The following STX17 variants were observed in gnomAD, a reference collection of about 807,000 sequenced individuals.
STX17 encodes the protein syntaxin-17.
A neutral mutation model predicts 35.9 loss-of-function variants in STX17; 29 were observed. The ratio of observed to expected loss-of-function variants is 0.81; its 90% CI spans 0.60 to 1.10. STX17 has a LOEUF of 1.10. Ranked by LOEUF, STX17 falls within the 50% of genes least tolerant of loss-of-function variation. The pLI is 0.00. For synonymous variants in STX17, 92 were observed against 118.3 expected (o/e 0.78, Z 1.44); for missense variants, 312 against 352.3 (o/e 0.89, Z 0.92).
intron 3 of STX17, among the ~76,000 whole-genome samples, chr9:99,936,947 T>A (rs562176225): frequency 4.3e-4 from 65 of 152,296 alleles, no homozygotes; most frequent in African/African-American, 1.5e-3. Context: ...TTAACATTTC[T>A]GGGAGTGTGA....
chr9:99,930,100 A>G (rs1829085824), intron 3 of STX17, among the ~76,000 whole-genome samples: 1 of 149,536 alleles, frequency 6.7e-6, no homozygotes, highest in African/African-American at 2.5e-5. Context: ...TTTAGTTGAG[A>G]TAGGGTTTCA....
chr9:99,943,195 G>A (rs973140708), intron 3 of STX17, among the ~76,000 whole-genome samples: 1 of 152,120 alleles, frequency 6.6e-6, no homozygotes, highest in Non-Finnish European at 1.5e-5. Flanking sequence ...GTGCAGTGGC[G>A]CGATCTCTGC....
chr9:99,943,220 G>T (rs1181735316), intron 3 of STX17, among the ~76,000 whole-genome samples: 1 of 152,026 alleles, frequency 6.6e-6, no homozygotes, highest in African/African-American at 2.4e-5. Flanking sequence ...TGCAAGCTCC[G>T]CCTCCTGGAT....
In STX17 at chr9:99,970,131, T is replaced by G. The variant is rs1829994686; in HGVS notation, c.*1458T>G. 1 of 152,258 alleles carries G rather than the reference T, an allele frequency of 6.6e-6. No individual in the cohort carries two copies. The highest frequency in any genetic ancestry group is 1.5e-5 in the Non-Finnish European group (1 of 68,060). The allele number at this position is 152,258 out of a possible 1,614,324, so 9.4% of individuals were successfully genotyped here. On this transcript the variant is annotated 3_prime_UTR_variant, in exon 8 of 8. Transcript: ENST00000259400. ...CACCTGCACCCCAGAAGGTGTGAGC[T>G]GTCTCTCTGCCAGGAGCTAAGGTTC...
intron 1 of STX17, chr9:99,913,961 A>ACTTTTTTTTT (rs1201652684): frequency 3.6e-5 from 5 of 140,256 alleles, no homozygotes; most frequent in African/African-American, 1.4e-4. Flanking sequence ...AACTATATTC[A>ACTTTTTTTTT]CTTTTTTTTT....
At chr9:99,961,981 G>A (rs903999542) in intron 6 of STX17, among the ~76,000 whole-genome samples, 10 of 152,012 alleles carry the variant, frequency 6.6e-5, no homozygotes, top group Admixed American at 2.6e-4. Context: ...CTAAAGCTAC[G>A]TACTGAACAA....
chr9:99,938,303 A>G (rs1200332986), intron 3 of STX17, among the ~76,000 whole-genome samples: 1 of 152,178 alleles, frequency 6.6e-6, no homozygotes, highest in East Asian at 1.9e-4. Context: ...CTCACCTTGG[A>G]CAGAACCAGA....
At chr9:99,963,895 T>C (rs1829869722) in intron 6 of STX17, among the ~76,000 whole-genome samples, 1 of 152,164 alleles carries the variant, frequency 6.6e-6, no homozygotes, top group African/African-American at 2.4e-5. Flanking sequence ...GTATATAGAA[T>C]ATATCATAGG....
At chr9:99,926,271 A>G (rs1365539469) in intron 2 of STX17, among the ~76,000 whole-genome samples, 1 of 151,754 alleles carries the variant, frequency 6.6e-6, no homozygotes, top group African/African-American at 2.4e-5. Flanking sequence ...TAATATCCTC[A>G]TTTATTAATT....
In STX17 at chr9:99,915,288, A is replaced by C. The variant is rs761852735; in HGVS notation, c.49A>C (p.Ile17Leu). 6.2e-7 allele frequency: 1 copy of C among 1,612,996 alleles called. No individual in the cohort carries two copies. Among genetic ancestry groups the C allele is most frequent in the African/African-American group, 1.3e-5 (1 of 74,886 alleles). Residue 17 changes from isoleucine (I) to leucine (L), a missense_variant, in exon 2 of 8, where the codon ATC becomes CTC. By Grantham distance (5) the Ile-to-Leu change is conservative. Coordinates refer to ENST00000259400, the MANE Select transcript of STX17 (RefSeq NM_017919.3). ...KVKLRRLEPAIQKFIKIVIPT... is the reference protein window; with the variant it reads ...KVKLRRLEPALQKFIKIVIPT... The stretch of plus-strand genomic sequence containing the variant: ...GAAATTACGCCGTCTTGAACCAGCT[A>C]TCCAGAAATTCATTAAGATAGTAAT...
chr9:99,919,722 G>A (rs1587913300), intron 2 of STX17, among the ~76,000 whole-genome samples: 2 of 152,128 alleles, frequency 1.3e-5, no homozygotes, highest in South Asian at 2.1e-4. Context: ...TTAGCTTTTC[G>A]TAAATATTTA....
intron 4 of STX17, among the ~76,000 whole-genome samples, chr9:99,955,636 G>C (rs1043576815): frequency 7.2e-5 from 11 of 152,070 alleles, no homozygotes; most frequent in Non-Finnish European, 1.3e-4. Flanking sequence ...TATGGAGAAA[G>C]AGGGAGAGAG....
At chr9:99,923,389 A>G (rs1016159697) in intron 2 of STX17, among the ~76,000 whole-genome samples, 1 of 152,214 alleles carries the variant, frequency 6.6e-6, no homozygotes, top group Admixed American at 6.5e-5. Context: ...CAAGGTTGAT[A>G]CTTGGAAGTG....
chr9:99,925,162 G>C (rs1295814876), intron 2 of STX17, among the ~76,000 whole-genome samples: 1 of 149,782 alleles, frequency 6.7e-6, no homozygotes, highest in East Asian at 1.9e-4. Context: ...TATTTTTTTA[G>C]TGGTTGCTTT....
rs367599323 is a variant in STX17, at chr9:99,915,380, C to G, written c.123+18C>G. On this transcript the variant is annotated intron_variant, in intron 2 of 7. Coordinates refer to ENST00000259400, the MANE Select transcript of STX17 (RefSeq NM_017919.3). ...TTGAGAAGGTGAGCTGTTTCATTTACTACCACAAGAAATAGTTACATAGTT... is the reference window on the plus strand; with the variant it reads ...TTGAGAAGGTGAGCTGTTTCATTTAGTACCACAAGAAATAGTTACATAGTT... The G allele has an allele frequency of 1.8e-5, 29 of 1,573,430 alleles. No homozygotes were observed. Among genetic ancestry groups the G allele is most frequent in the African/African-American group, 4.1e-5 (3 of 72,474 alleles).
intron 2 of STX17, among the ~76,000 whole-genome samples, chr9:99,916,618 AG>A (rs1283301750): frequency 1.3e-5 from 2 of 152,116 alleles, no homozygotes; most frequent in African/African-American, 2.4e-5. Flanking sequence ...TCCTTTTAAA[AG>A]TGGAGAAAAT....
At chr9:99,928,393 A>G (rs969801660) in intron 2 of STX17, among the ~76,000 whole-genome samples, 54 of 152,154 alleles carry the variant, frequency 3.5e-4, no homozygotes, top group African/African-American at 1.1e-3. Flanking sequence ...ATCATGACAA[A>G]CGTACAATTC....
Position 99,971,123 on chromosome 9 carries a change from GAC to G in STX17, c.*2454_*2455del, listed in dbSNP as rs1830008727. ...AAGTGTTTATAAGCATAGTCAGTGT[GAC>G]ACAGAAACCAATCTTAAAATTGAAT... On this transcript the variant is annotated 3_prime_UTR_variant, in exon 8 of 8. Coordinates refer to ENST00000259400, the MANE Select transcript of STX17 (RefSeq NM_017919.3). 6.6e-6 allele frequency among the ~76,000 whole-genome samples: 1 copy of G among 152,166 alleles called. No individual in the cohort carries two copies. The highest frequency in any genetic ancestry group is 2.1e-4 in the South Asian group (1 of 4,828).
At chr9:99,936,747 A>G (rs986935283) in intron 3 of STX17, among the ~76,000 whole-genome samples, 1 of 152,160 alleles carries the variant, frequency 6.6e-6, no homozygotes, top group Non-Finnish European at 1.5e-5. Flanking sequence ...TTGTTCTCAT[A>G]TATTTAACTT....
Sources: allele counts gnomAD v4.1 joint callset (sites outside exome capture counted in the v4.1 genomes callset), GRCh38; gene constraint gnomAD v4.1.1; transcripts MANE v1.5; gene names NCBI Gene and HGNC (gene_info 2026-07-23, HGNC 2026-07-21).